PCDH15: variants seen among roughly 807,000 people sequenced by gnomAD.
The protein encoded by PCDH15 is protocadherin related 15, also known as protocadherin-15.
In PCDH15, 129 loss-of-function variants were observed where a neutral mutation model predicts 178.5. The ratio of observed to expected loss-of-function variants is 0.72; its 90% CI spans 0.63 to 0.84. PCDH15 has a LOEUF of 0.84. Ranked by LOEUF, PCDH15 falls within the 40% of genes least tolerant of loss-of-function variation. The probability of loss-of-function intolerance (pLI) is 0.00; values close to 1 mark genes in which losing one functional copy is unlikely to be tolerated. For missense variants in PCDH15, 2,230 were observed against 2,099.9 expected (o/e 1.06, Z -1.21); for synonymous variants, 800 against 732.0 (o/e 1.09, Z -1.50).
intron 9 of PCDH15, among the ~76,000 whole-genome samples, chr10:54,228,044 T>C (rs1275115038): frequency 6.6e-6 from 1 of 152,196 alleles, no homozygotes; most frequent in Non-Finnish European, 1.5e-5. Flanking sequence ...TACAGAGCCC[T>C]GCAAACTGTT....
intron 2 of PCDH15, among the ~76,000 whole-genome samples, chr10:55,359,545 A>G (rs1845170334): frequency 6.6e-6 from 1 of 151,842 alleles, no homozygotes; most frequent in Non-Finnish European, 1.5e-5. Flanking sequence ...AAAAATGAAA[A>G]TTGAACAGCC....
In PCDH15 at chr10:54,203,173, G is replaced by A. The variant is rs2050429975; in HGVS notation, c.1099-7284C>T. Among the ~76,000 whole-genome samples, 4 of 152,106 alleles carry A rather than the reference G, an allele frequency of 2.6e-5. No individual in the cohort carries two copies. The South Asian group carries it at 8.3e-4, about 31-fold the overall frequency. On this transcript the variant is annotated intron_variant, in intron 10 of 37. Transcript: ENST00000644397. The stretch of plus-strand genomic sequence containing the variant: ...TGGAGTCTAGTAACTGAAACTGCAT[G>A]CAATTATACAATTATCAACTGTGTA...
intron 18 of PCDH15, among the ~76,000 whole-genome samples, chr10:54,062,247 A>AAAAAAAAAAAAAAAAAAAAAT (rs2094038882): frequency 8.0e-6 from 1 of 125,680 alleles, no homozygotes; most frequent in Non-Finnish European, 1.6e-5. Context: ...AAAAAAAAAA[A>AAAAAAAAAAAAAAAAAAAAAT]AAAAACAAAA....
intron 1 of PCDH15, among the ~76,000 whole-genome samples, chr10:55,268,852 A>G (rs55867439): frequency 6.6e-6 from 1 of 151,878 alleles, no homozygotes; most frequent in Non-Finnish European, 1.5e-5. Context: ...ATTTTTTCTT[A>G]CTATTATGGA....
intron 2 of PCDH15, among the ~76,000 whole-genome samples, chr10:54,536,559 C>T (rs574682324): frequency 6.6e-6 from 1 of 152,012 alleles, no homozygotes; most frequent in Non-Finnish European, 1.5e-5. Flanking sequence ...TCTGGGTATA[C>T]TGTAAGGTTT....
intron 4 of PCDH15, among the ~76,000 whole-genome samples, chr10:54,373,663 T>C (rs1210512326): frequency 6.6e-6 from 1 of 152,024 alleles, no homozygotes; most frequent in African/African-American, 2.4e-5. Context: ...TTAGGATTAA[T>C]ATGACTTAGT....
At chr10:55,329,066 T>G (rs1844124445) in intron 2 of PCDH15, among the ~76,000 whole-genome samples, 1 of 149,418 alleles carries the variant, frequency 6.7e-6, no homozygotes, top group Non-Finnish European at 1.5e-5. Context: ...AATGGGTTAT[T>G]GAAACCTAAA....
At chr10:55,148,988 G>T (rs1341590579) in intron 2 of PCDH15, among the ~76,000 whole-genome samples, 1 of 151,276 alleles carries the variant, frequency 6.6e-6, no homozygotes, top group East Asian at 1.9e-4. Context: ...GAACTTGCCT[G>T]CTATATTCAC....
chr10:54,137,532 T>A (rs1402424647), intron 14 of PCDH15, among the ~76,000 whole-genome samples: 1 of 152,134 alleles, frequency 6.6e-6, no homozygotes, highest in Admixed American at 6.5e-5. Context: ...GGAAACAACC[T>A]TCAGGCCTCC....
chr10:54,945,360 GATAT>G lies in PCDH15; in HGVS notation c.-79-47864_-79-47861del, dbSNP rs1464008999. ...TAGATAGATAGATAGATGATAGATA[GATAT>G]ATAGATAGATAGATAGATAGATAGA... On this transcript the variant is annotated intron_variant, in intron 2 of 5. Coordinates refer to the PCDH15 transcript ENST00000458638. Among the ~76,000 whole-genome samples, 979 of 139,774 alleles carry G rather than the reference GATAT, an allele frequency of 7.0e-3. 5 individuals carry two copies. Among genetic ancestry groups the G allele is most frequent in the African/African-American group, 0.013 (491 of 38,424 alleles). 91.7% of individuals were successfully genotyped at this position (139,774 alleles called of 152,430 possible).
chr10:55,214,702 C>T (rs1222399916), intron 1 of PCDH15, among the ~76,000 whole-genome samples: 1 of 151,930 alleles, frequency 6.6e-6, no homozygotes, highest in African/African-American at 2.4e-5. Context: ...CTCTGGAACT[C>T]CTGGGCTCAA....
intron 6 of PCDH15, among the ~76,000 whole-genome samples, chr10:54,337,875 C>G (rs918651485): frequency 6.6e-6 from 1 of 152,150 alleles, no homozygotes; most frequent in Admixed American, 6.5e-5. Context: ...CTATAAAACC[C>G]TAACCCTCTC....
intron 2 of PCDH15, among the ~76,000 whole-genome samples, chr10:55,557,692 T>G (rs1842117774): frequency 6.6e-6 from 1 of 152,014 alleles, no homozygotes; most frequent in South Asian, 2.1e-4. Context: ...GGTTTCAGAG[T>G]AATGAAGGAT....
chr10:55,526,958 C>T (rs971103556), intron 2 of PCDH15, among the ~76,000 whole-genome samples: 1 of 152,044 alleles, frequency 6.6e-6, no homozygotes, highest in African/African-American at 2.4e-5. Flanking sequence ...GTTGTCTATA[C>T]ACTGCCTAGC....
chr10:54,822,964 C>T (rs1209684122), intron 3 of PCDH15, among the ~76,000 whole-genome samples: 1 of 151,976 alleles, frequency 6.6e-6, no homozygotes, highest in Non-Finnish European at 1.5e-5. Flanking sequence ...TCACTGCAAC[C>T]TCTGCCTCCA....
At chr10:55,314,288 T>G (rs1175862919) in intron 1 of PCDH15, among the ~76,000 whole-genome samples, 2 of 151,120 alleles carry the variant, frequency 1.3e-5, no homozygotes, top group Non-Finnish European at 2.9e-5. Flanking sequence ...TTATATATTA[T>G]AGCTACCTTT....
At chr10:54,046,036 C>G (rs143623309) in intron 18 of PCDH15, among the ~76,000 whole-genome samples, 25 of 152,152 alleles carry the variant, frequency 1.6e-4, no homozygotes, top group African/African-American at 4.8e-4. Flanking sequence ...ATAAGAAACT[C>G]AAATAGGCAT....
At chr10:54,017,264 A>T (rs2092769385) in intron 20 of PCDH15, among the ~76,000 whole-genome samples, 1 of 152,108 alleles carries the variant, frequency 6.6e-6, no homozygotes, top group African/African-American at 2.4e-5. Flanking sequence ...ACCTCAGGTG[A>T]TCCACCCACC....
chr10:54,767,298 T>A (rs74136278), intron 1 of PCDH15, among the ~76,000 whole-genome samples: 5,011 of 152,192 alleles, frequency 0.033, 306 homozygotes, highest in African/African-American at 0.12. Flanking sequence ...CTGAACCTAT[T>A]AAAACTAAAC....
Sources: gnomAD v4.1 joint callset for allele counts (sites outside exome capture counted in the v4.1 genomes callset) on GRCh38, gnomAD v4.1.1 for gene constraint, MANE v1.5 for transcripts, NCBI Gene and HGNC (gene_info 2026-07-23, HGNC 2026-07-21) for gene names.